Variants in TOP2B observed in about 807,000 individuals in gnomAD.
TOP2B encodes DNA topoisomerase II beta.
A neutral mutation model predicts 193.5 loss-of-function variants in TOP2B; 51 were observed. That is an observed-to-expected ratio of 0.26 (90% confidence interval 0.21 to 0.33). The LOEUF (loss-of-function observed/expected upper bound fraction) is 0.33, where lower values mean the gene tolerates loss of function less well. TOP2B is among the 10% of genes least tolerant of loss of function. TOP2B has a pLI of 1.00. For missense variants in TOP2B, 1,378 were observed against 1,909.3 expected (o/e 0.72, Z 5.19); for synonymous variants, 634 against 635.7 (o/e 1.00, Z 0.04).
Position 25,625,041 on chromosome 3 carries a change from G to T in TOP2B, c.2225-238C>A, listed in dbSNP as rs370140978. 1.3e-5 allele frequency: 4 copies of T among 307,782 alleles called. No homozygotes were observed. The Admixed American group carries it at 1.5e-4, about 11-fold the overall frequency. The allele number at this position is 307,782 out of a possible 1,614,324, so 19.1% of individuals were successfully genotyped here. On this transcript the variant is annotated intron_variant, in intron 18 of 35. Coordinates refer to ENST00000264331, the MANE Select transcript of TOP2B (RefSeq NM_001330700.2). The stretch of plus-strand genomic sequence containing the variant: ...TGCCATCTCCATCTACTCCAAAAGT[G>T]AACTGCCAATTGAAAGACAACATTC...
At chr3:25,614,758 A>AT (rs1159535903) in intron 27 of TOP2B, among the ~76,000 whole-genome samples, 5 of 151,822 alleles carry the variant, frequency 3.3e-5, no homozygotes, top group Non-Finnish European at 7.4e-5. Context: ...ATATCTCTAC[A>AT]TTTTTTTTAT....
At chr3:25,655,022 A>C (rs1703704947) in intron 1 of TOP2B, among the ~76,000 whole-genome samples, 1 of 152,226 alleles carries the variant, frequency 6.6e-6, no homozygotes, top group African/African-American at 2.4e-5. Flanking sequence ...TATGGCACCA[A>C]AATCACAGGC....
chr3:25,600,870 A>AT (rs771403202), intron 34 of TOP2B, among the ~76,000 whole-genome samples: 2 of 152,202 alleles, frequency 1.3e-5, no homozygotes, highest in African/African-American at 4.8e-5. Context: ...ATTCTTATTT[A>AT]ACCTCTTTGA....
chr3:25,602,411 AAAAAG>A (rs1172556455), intron 33 of TOP2B, among the ~76,000 whole-genome samples: 13 of 112,828 alleles, frequency 1.2e-4, no homozygotes, highest in African/African-American at 5.4e-4. Flanking sequence ...AAAAAAAAAG[AAAAAG>A]AAAAAAAAAA....
chr3:25,621,200 C>G (rs1364172961), intron 21 of TOP2B, among the ~76,000 whole-genome samples: 1 of 152,160 alleles, frequency 6.6e-6, no homozygotes, highest in Non-Finnish European at 1.5e-5. Flanking sequence ...AAAACCACTA[C>G]TCTTCTCCCA....
intron 5 of TOP2B, 42 bp from the exon 6 acceptor site, chr3:25,637,354 T>A (rs745635385): frequency 2.1e-5 from 31 of 1,454,856 alleles, no homozygotes; most frequent in Non-Finnish European, 2.9e-5. Flanking sequence ...TAAAAATGAT[T>A]TTAAAGGAAC....
chr3:25,616,413 GA>G (rs11455813), intron 25 of TOP2B, among the ~76,000 whole-genome samples: 200 of 113,986 alleles, frequency 1.8e-3, no homozygotes, highest in Middle Eastern at 5.5e-3. Context: ...ACCAAAAGAG[GA>G]AAAAAAAAAA....
chr3:25,642,803 C>T (rs1703301838), intron 3 of TOP2B, among the ~76,000 whole-genome samples: 1 of 152,096 alleles, frequency 6.6e-6, no homozygotes, highest in Admixed American at 6.6e-5. Context: ...TGAATAGAAA[C>T]CAGTTCATTT....
At chr3:25,630,205 G>A (rs993982280) in intron 12 of TOP2B, 51 bp from the exon 13 acceptor site, 17 of 1,522,344 alleles carry the variant, frequency 1.1e-5, no homozygotes, top group African/African-American at 2.8e-5. Flanking sequence ...TGAAATATAC[G>A]AGTCAGAAAT....
At position 25,626,642 on chromosome 3, in the gene TOP2B, C is replaced by A; in HGVS notation, c.2142G>T (p.Leu714Phe). 3 of 1,536,814 alleles carry A rather than the reference C, an allele frequency of 2.0e-6. No homozygotes were observed. The highest frequency in any genetic ancestry group is 2.5e-5 in the South Asian group (2 of 79,460). ...CCTTGTTGATGAAATCATTATAAGT[C>A]AAATGCTTTGTTGCAGTACCATATA... is the stretch of plus-strand genomic sequence containing the variant. The part of the protein sequence containing the change: ...QFLYGTATKH[L>F]TYNDFINKEL... Residue 714 changes from leucine (L) to phenylalanine (F), a missense_variant, in exon 18 of 36, where the codon TTG becomes TTT. Physicochemically the swap from Leu to Phe is conservative, Grantham distance 22. Coordinates refer to ENST00000264331, the MANE Select transcript of TOP2B (RefSeq NM_001330700.2).
intron 33 of TOP2B, among the ~76,000 whole-genome samples, chr3:25,603,118 A>T (rs1023272196): frequency 2.6e-5 from 4 of 152,186 alleles, no homozygotes; most frequent in African/African-American, 7.2e-5. Flanking sequence ...TAGGTTAAAT[A>T]TGGGTGAACA....
chr3:25,629,940 C>T (rs1702911102), intron 13 of TOP2B, 89 bp downstream of exon 13: 42 of 1,324,198 alleles, frequency 3.2e-5, no homozygotes, highest in South Asian at 2.4e-4. Context: ...TCAGTTATAC[C>T]ATCTTCGGGC....
At chr3:25,629,957 C>T in intron 13 of TOP2B, 72 bp downstream of exon 13, 2 of 1,442,864 alleles carry the variant, frequency 1.4e-6, no homozygotes, top group Non-Finnish European at 1.8e-6. Flanking sequence ...GGGCAAGTCT[C>T]ATAAAACAAA....
chr3:25,639,070 T>C (rs547486687), intron 4 of TOP2B, among the ~76,000 whole-genome samples: 1 of 152,242 alleles, frequency 6.6e-6, no homozygotes, highest in Non-Finnish European at 1.5e-5. Flanking sequence ...TTTTAAAAAA[T>C]TAAGTGGATC....
chr3:25,622,992 G>A (rs1702700977), intron 21 of TOP2B, among the ~76,000 whole-genome samples: 2 of 152,092 alleles, frequency 1.3e-5, no homozygotes, highest in Non-Finnish European at 2.9e-5. Flanking sequence ...TGGTCAGTCT[G>A]GTCTCGAACT....
chr3:25,630,263 T>C (rs925595727), intron 12 of TOP2B, 49 bp downstream of exon 12: 13 of 1,531,314 alleles, frequency 8.5e-6, no homozygotes, highest in South Asian at 3.7e-5. Context: ...AAATGTCATA[T>C]GTATGTGTGC....
chr3:25,634,786 A>AC (rs202072721), intron 7 of TOP2B, among the ~76,000 whole-genome samples: 1,972 of 140,632 alleles, frequency 0.014, 70 homozygotes, highest in African/African-American at 0.048. Context: ...ACCAAAAAAA[A>AC]AAAAAAAAAA....
At chr3:25,620,855 G>A (rs1248735639) in intron 21 of TOP2B, 39 bp from the exon 22 acceptor site, 2 of 1,601,940 alleles carry the variant, frequency 1.2e-6, no homozygotes, top group Non-Finnish European at 8.5e-7. Flanking sequence ...CTTCTCTCTT[G>A]AGTACCAGTA....
At chr3:25,602,450 T>A (rs1460376350) in intron 33 of TOP2B, among the ~76,000 whole-genome samples, 3 of 141,308 alleles carry the variant, frequency 2.1e-5, no homozygotes, top group African/African-American at 8.0e-5. Flanking sequence ...CTTTTTGTAA[T>A]TAAGAAAACC....
Sources: gnomAD v4.1 joint callset for allele counts (sites outside exome capture counted in the v4.1 genomes callset) on GRCh38, gnomAD v4.1.1 for gene constraint, MANE v1.5 for transcripts, NCBI Gene and HGNC (gene_info 2026-07-23, HGNC 2026-07-21) for gene names.